Variants in NMNAT2 observed in about 807,000 individuals in gnomAD.
NMNAT2 encodes nicotinamide nucleotide adenylyltransferase 2, also known as nicotinamide/nicotinic acid mononucleotide adenylyltransferase 2.
Under a neutral mutation model 41.6 loss-of-function variants are expected in NMNAT2, and 11 were observed. The ratio of observed to expected loss-of-function variants is 0.26; its 90% CI spans 0.17 to 0.44. The LOEUF is 0.44. Ranked by LOEUF, NMNAT2 falls within the 20% of genes least tolerant of loss-of-function variation. The pLI, the probability that NMNAT2 is intolerant of heterozygous loss-of-function variation, is 1.00. For missense variants in NMNAT2, 288 were observed against 407.7 expected (o/e 0.71, Z 2.53); for synonymous variants, 148 against 151.2 (o/e 0.98, Z 0.16).
At chr1:183,295,949 A>G (rs1439898108) in intron 1 of NMNAT2, among the ~76,000 whole-genome samples, 1 of 152,106 alleles carries the variant, frequency 6.6e-6, no homozygotes, top group Non-Finnish European at 1.5e-5. Flanking sequence ...CCCGGGCTTA[A>G]GCGATTCTCC....
At position 183,405,092 on chromosome 1, in the gene NMNAT2, T is replaced by G. The variant is rs148340752; in HGVS notation, c.85+13091A>C. On this transcript the variant is annotated intron_variant, in intron 1 of 10. Coordinates refer to ENST00000287713, the MANE Select transcript of NMNAT2 (RefSeq NM_015039.4). ...AAAATTAGCCAGGCGCGGTTGAATG[T>G]GCCTGTAGTCCCAGCTAGTTGGAAG... Among the ~76,000 whole-genome samples the G allele has an allele frequency of 2.6e-3, 396 of 152,200 alleles. 3 individuals carry two copies. Among genetic ancestry groups the G allele is most frequent in the Non-Finnish European group, 4.2e-3 (286 of 68,006 alleles).
At chr1:183,343,128 C>A (rs1223455675) in intron 1 of NMNAT2, among the ~76,000 whole-genome samples, 1 of 152,068 alleles carries the variant, frequency 6.6e-6, no homozygotes, top group Non-Finnish European at 1.5e-5. Flanking sequence ...CAGATGTCAC[C>A]CCTGGGCCTT....
chr1:183,408,765 G>A (rs1184121965), intron 1 of NMNAT2, among the ~76,000 whole-genome samples: 1 of 152,098 alleles, frequency 6.6e-6, no homozygotes, highest in Non-Finnish European at 1.5e-5. Flanking sequence ...TTTAAATGGT[G>A]CTTAGCAAGA....
At chr1:183,359,293 A>T (rs892081770) in intron 1 of NMNAT2, among the ~76,000 whole-genome samples, 3 of 152,192 alleles carry the variant, frequency 2.0e-5, no homozygotes, top group Non-Finnish European at 4.4e-5. Context: ...TTCATAACAG[A>T]CATATTTCGC....
intron 1 of NMNAT2, 82 bp downstream of exon 1, chr1:183,418,101 C>T (rs949084671): frequency 4.5e-6 from 6 of 1,333,312 alleles, no homozygotes; most frequent in Admixed American, 1.7e-5. Flanking sequence ...CACGCCTTCC[C>T]GTTCGATCGC....
At chr1:183,258,698 A>G (rs1310010244) in intron 10 of NMNAT2, among the ~76,000 whole-genome samples, 1 of 152,110 alleles carries the variant, frequency 6.6e-6, no homozygotes. Context: ...TGCTCCTAAG[A>G]TCAGTGTTTG....
At chr1:183,329,625 T>C (rs1662538711) in intron 1 of NMNAT2, among the ~76,000 whole-genome samples, 1 of 152,200 alleles carries the variant, frequency 6.6e-6, no homozygotes, top group South Asian at 2.1e-4. Context: ...AGAGCCACAC[T>C]GAGCTGTCCT....
intron 1 of NMNAT2, among the ~76,000 whole-genome samples, chr1:183,370,025 C>A (rs1408003242): frequency 6.6e-6 from 1 of 151,988 alleles, no homozygotes; most frequent in Non-Finnish European, 1.5e-5. Flanking sequence ...GAACAGAGGA[C>A]CCTCCAAGGA....
intron 1 of NMNAT2, among the ~76,000 whole-genome samples, chr1:183,380,512 A>G (rs912811212): frequency 4.6e-5 from 7 of 152,220 alleles, no homozygotes; most frequent in African/African-American, 1.7e-4. Context: ...GTAAACATAA[A>G]TATCATGAGA....
rs1660649610 is a variant in NMNAT2, at chr1:183,261,238, T to C, written c.717A>G (p.Arg239=). 6.2e-7 allele frequency: 1 copy of C among 1,614,080 alleles called. No homozygotes were observed. The highest frequency in any genetic ancestry group is 1.1e-5 in the South Asian group (1 of 91,078). ...VVPRDAADTD[R]IMNHSSILRK... is the part of the protein sequence containing the mutation. ...GGAGTATTGAGGAGTGATTCATGAT[T>C]CGGTCTGTGTCGGCTGCATCCCGGG... The change falls in exon 9 of 11, where the codon CGA becomes CGG. Residue 239 remains arginine, a synonymous_variant. Transcript: ENST00000287713.
intron 1 of NMNAT2, among the ~76,000 whole-genome samples, chr1:183,415,991 C>T (rs950467740): frequency 4.6e-5 from 7 of 152,068 alleles, no homozygotes; most frequent in African/African-American, 7.3e-5. Context: ...CACATTCTGC[C>T]CTGGTCCTCA....
At chr1:183,271,942 G>A (rs1159590230) in intron 8 of NMNAT2, among the ~76,000 whole-genome samples, 1 of 152,018 alleles carries the variant, frequency 6.6e-6, no homozygotes, top group African/African-American at 2.4e-5. Flanking sequence ...TAGTAGAGAT[G>A]GGGTTTCACC....
At chr1:183,264,694 G>A (rs1660758983) in intron 8 of NMNAT2, among the ~76,000 whole-genome samples, 1 of 152,164 alleles carries the variant, frequency 6.6e-6, no homozygotes, top group African/African-American at 2.4e-5. Context: ...GCATGTGTGT[G>A]TGGGTTCGGG....
At chr1:183,345,283 T>G (rs543979978) in intron 1 of NMNAT2, among the ~76,000 whole-genome samples, 14 of 152,238 alleles carry the variant, frequency 9.2e-5, no homozygotes, top group African/African-American at 2.9e-4. Context: ...ATGTTGAAAT[T>G]CAATCCCCAT....
At chr1:183,406,661 A>G (rs1021244793) in intron 1 of NMNAT2, among the ~76,000 whole-genome samples, 10 of 152,310 alleles carry the variant, frequency 6.6e-5, no homozygotes, top group South Asian at 4.1e-4. Context: ...GAAGATGCAA[A>G]CTTAACAATC....
intron 1 of NMNAT2, among the ~76,000 whole-genome samples, chr1:183,403,972 A>G (rs1028108899): frequency 6.6e-6 from 1 of 152,208 alleles, no homozygotes; most frequent in African/African-American, 2.4e-5. Flanking sequence ...TTTTGTGAAG[A>G]AATGGAAGAA....
chr1:183,384,146 C>T (rs1395729912), intron 1 of NMNAT2, among the ~76,000 whole-genome samples: 3 of 150,794 alleles, frequency 2.0e-5, no homozygotes, highest in Admixed American at 2.0e-4. Context: ...AAGCAAGGCA[C>T]CTCTTATGTG....
At chr1:183,390,354 T>C (rs1464739723) in intron 1 of NMNAT2, among the ~76,000 whole-genome samples, 2 of 152,202 alleles carry the variant, frequency 1.3e-5, no homozygotes, top group Non-Finnish European at 2.9e-5. Context: ...CTCCATGCCC[T>C]CAGTCCTCAG....
chr1:183,331,176 A>G (rs952446), intron 1 of NMNAT2, among the ~76,000 whole-genome samples: 68,123 of 151,860 alleles, frequency 0.45, 16,299 homozygotes, highest in East Asian at 0.78. Flanking sequence ...TGAAATCATG[A>G]GGGGCAGGTG....
Sources: allele counts gnomAD v4.1 joint callset (sites outside exome capture counted in the v4.1 genomes callset), GRCh38; gene constraint gnomAD v4.1.1; transcripts MANE v1.5; gene names NCBI Gene and HGNC (gene_info 2026-07-23, HGNC 2026-07-21).